Variants in HS2ST1 observed in about 807,000 individuals in gnomAD.
HS2ST1 encodes heparan sulfate 2-O-sulfotransferase 1.
HS2ST1 carries 18 observed loss-of-function variants against 42.9 expected under a neutral mutation model. That is an observed-to-expected ratio of 0.42 (90% CI 0.29 to 0.62). The LOEUF is 0.62. HS2ST1 is among the 20% of genes least tolerant of loss of function. The pLI is 0.21. For synonymous variants in HS2ST1, 146 were observed against 152.9 expected, an observed-to-expected ratio of 0.95 and a Z score of 0.33; for missense variants, 334 against 433.8, an observed-to-expected ratio of 0.77 and a Z score of 2.04.
intron 1 of HS2ST1, among the ~76,000 whole-genome samples, chr1:86,937,798 A>G (rs972565309): frequency 1.4e-5 from 2 of 147,890 alleles, no homozygotes; most frequent in Non-Finnish European, 3.0e-5. Flanking sequence ...AGCTATATTG[A>G]TTTCTTTAGG....
At position 87,009,271 on chromosome 1, in the gene HS2ST1, A is replaced by G. The variant is rs569062208; in HGVS notation, c.125-63663A>G. Among the ~76,000 whole-genome samples the G allele has an allele frequency of 3.9e-5, 6 of 152,322 alleles. No homozygotes were observed. The East Asian group carries it at 1.2e-3, about 29-fold the overall frequency. The stretch of plus-strand genomic sequence containing the variant: ...CCTTTAAACTGTGTATAAAACAGTA[A>G]GTGTGATAATTAACCTTCTTTCCAG... On this transcript the variant is annotated intron_variant, in intron 1 of 6. Coordinates refer to ENST00000370550, the MANE Select transcript of HS2ST1 (RefSeq NM_012262.4).
chr1:86,965,629 G>C (rs1283425362), intron 1 of HS2ST1, among the ~76,000 whole-genome samples: 1 of 151,976 alleles, frequency 6.6e-6, no homozygotes, highest in Non-Finnish European at 1.5e-5. Flanking sequence ...ATTGGTCTTG[G>C]GGTGGAGGTG....
intron 1 of HS2ST1, chr1:86,934,968 AGTTT>A (rs1660614531): frequency 7.0e-6 from 1 of 143,662 alleles, no homozygotes; most frequent in South Asian, 2.2e-4. Context: ...ACTGATTTTC[AGTTT>A]GTTCGGCTTT....
At chr1:87,024,204 A>C (rs1265675461) in intron 1 of HS2ST1, among the ~76,000 whole-genome samples, 2 of 152,154 alleles carry the variant, frequency 1.3e-5, no homozygotes, top group African/African-American at 4.8e-5. Context: ...GTCATTTTTA[A>C]GAATCAGGCA....
chr1:86,969,452 A>C (rs1220320733), intron 1 of HS2ST1, among the ~76,000 whole-genome samples: 2 of 152,154 alleles, frequency 1.3e-5, no homozygotes, highest in African/African-American at 4.8e-5. Flanking sequence ...CTTCTCAGCT[A>C]ATTTCATGTA....
intron 1 of HS2ST1, among the ~76,000 whole-genome samples, chr1:86,917,947 G>C: frequency 6.6e-6 from 1 of 152,264 alleles, no homozygotes; most frequent in East Asian, 1.9e-4. Context: ...AAATCTAGCT[G>C]TTTTCCATAC....
At chr1:86,918,595 G>A (rs1660220161) in intron 1 of HS2ST1, among the ~76,000 whole-genome samples, 1 of 151,892 alleles carries the variant, frequency 6.6e-6, no homozygotes, top group African/African-American at 2.4e-5. Flanking sequence ...ATGTCATTTT[G>A]TGCTAGGATG....
chr1:86,982,813 C>T (rs538486675), intron 1 of HS2ST1, among the ~76,000 whole-genome samples: 6 of 152,050 alleles, frequency 3.9e-5, no homozygotes, highest in East Asian at 1.9e-4. Flanking sequence ...TGCGCCTGGC[C>T]GCCATGTCAC....
chr1:87,053,349 G>A (rs1396691557), intron 1 of HS2ST1, among the ~76,000 whole-genome samples: 2 of 152,110 alleles, frequency 1.3e-5, no homozygotes. Flanking sequence ...GTATGGACTT[G>A]TGCTAAGAAT....
intron 1 of HS2ST1, among the ~76,000 whole-genome samples, chr1:87,003,956 T>C (rs1446824184): frequency 6.6e-6 from 1 of 152,184 alleles, no homozygotes; most frequent in East Asian, 1.9e-4. Flanking sequence ...CAACTCTATG[T>C]AATTGTTTGT....
intron 1 of HS2ST1, among the ~76,000 whole-genome samples, chr1:87,049,581 T>A (rs558207823): frequency 6.6e-6 from 1 of 152,228 alleles, no homozygotes; most frequent in South Asian, 2.1e-4. Flanking sequence ...ATTTCAAATG[T>A]CTTTTCTGTT....
chr1:87,008,236 G>A (rs750575478), intron 1 of HS2ST1, among the ~76,000 whole-genome samples: 2 of 152,112 alleles, frequency 1.3e-5, no homozygotes, highest in Non-Finnish European at 2.9e-5. Context: ...TAATCAATAT[G>A]TAGAGTGACT....
chr1:86,951,550 C>T (rs762963919), intron 1 of HS2ST1, among the ~76,000 whole-genome samples: 3 of 151,714 alleles, frequency 2.0e-5, no homozygotes, highest in Non-Finnish European at 2.9e-5. Context: ...AAAAAAAATG[C>T]TAACAATCAT....
At chr1:86,954,449 A>G (rs1647620421) in intron 1 of HS2ST1, among the ~76,000 whole-genome samples, 1 of 152,240 alleles carries the variant, frequency 6.6e-6, no homozygotes, top group Admixed American at 6.5e-5. Flanking sequence ...TTATGATAAA[A>G]AAAGACGTTG....
Position 86,964,493 on chromosome 1 carries a change from T to A in HS2ST1, c.124+49333T>A, listed in dbSNP as rs557025454. Among the ~76,000 whole-genome samples the A allele has an allele frequency of 4.6e-5, 7 of 152,194 alleles. No individual in the cohort carries two copies. The South Asian group carries it at 8.3e-4, about 18-fold the overall frequency. ...TCCACCAAAAAAATACGAAAACCAG[T>A]CAGGCGTGGCGGCACGCGCCTGCAA... On this transcript the variant is annotated intron_variant, in intron 1 of 6. Coordinates refer to ENST00000370550, the MANE Select transcript of HS2ST1 (RefSeq NM_012262.4).
chr1:86,987,888 G>A (rs60860687), intron 1 of HS2ST1, among the ~76,000 whole-genome samples: 8 of 152,180 alleles, frequency 5.3e-5, no homozygotes, highest in African/African-American at 1.9e-4. Flanking sequence ...GATATTGTAA[G>A]AAATTGGGGC....
rs1647723073 is a variant in HS2ST1, at chr1:86,957,995, G to T, written c.124+42835G>T. The stretch of plus-strand genomic sequence containing the variant: ...TTTAGTAAAGACGGGGTTTCACCAT[G>T]TTGGCCAGGCTGTTCTCGAACTCCT... On this transcript the variant is annotated intron_variant, in intron 1 of 6. Transcript: ENST00000370550. Among the ~76,000 whole-genome samples the T allele has an allele frequency of 2.6e-5, 4 of 152,090 alleles. No homozygotes were observed. In the South Asian group the frequency reaches 8.3e-4, roughly 32 times the overall value.
chr1:87,030,257 A>C (rs1650194510), intron 1 of HS2ST1, among the ~76,000 whole-genome samples: 1 of 152,182 alleles, frequency 6.6e-6, no homozygotes, highest in Non-Finnish European at 1.5e-5. Flanking sequence ...GTAAAAATAA[A>C]ATTACCTATC....
intron 1 of HS2ST1, among the ~76,000 whole-genome samples, 177 bp from the exon 2 acceptor site, chr1:87,072,757 A>G (rs948869363): frequency 6.6e-6 from 1 of 152,216 alleles, no homozygotes; most frequent in Non-Finnish European, 1.5e-5. Flanking sequence ...TTTTAGAATC[A>G]ACTAGATCCT....
Sources: allele counts gnomAD v4.1 joint callset (sites outside exome capture counted in the v4.1 genomes callset), GRCh38; gene constraint gnomAD v4.1.1; transcripts MANE v1.5; gene names NCBI Gene and HGNC (gene_info 2026-07-23, HGNC 2026-07-21).